The following MEI4 variants were observed in gnomAD, a reference collection of about 807,000 sequenced individuals.
MEI4 encodes meiotic double-stranded break formation protein 4, also known as meiosis-specific protein MEI4.
Under a neutral mutation model 31.4 loss-of-function variants are expected in MEI4, and 27 were observed. The ratio of observed to expected loss-of-function variants is 0.86; its 90% CI spans 0.63 to 1.19. The LOEUF (loss-of-function observed/expected upper bound fraction) is 1.19, where lower values mean the gene tolerates loss of function less well. MEI4 is among the 50% of genes most tolerant of loss of function. The pLI is 0.00. For synonymous variants in MEI4, 122 were observed against 145.4 expected, an observed-to-expected ratio of 0.84 and a Z score of 1.16; for missense variants, 329 against 398.9, an observed-to-expected ratio of 0.82 and a Z score of 1.49.
At chr6:77,838,526 G>A (rs539766152) in intron 4 of MEI4, among the ~76,000 whole-genome samples, 1 of 152,258 alleles carries the variant, frequency 6.6e-6, no homozygotes, top group South Asian at 2.1e-4. Flanking sequence ...GTGACTTACG[G>A]TACCAGATGA....
intron 4 of MEI4, among the ~76,000 whole-genome samples, chr6:77,848,622 G>A (rs1401816349): frequency 6.6e-6 from 1 of 152,092 alleles, no homozygotes; most frequent in Non-Finnish European, 1.5e-5. Flanking sequence ...GCACTTGTTG[G>A]TTGTGATGCA....
chr6:77,805,740 A>G (rs956085026), intron 3 of MEI4, among the ~76,000 whole-genome samples: 7 of 152,230 alleles, frequency 4.6e-5, no homozygotes, highest in African/African-American at 1.7e-4. Context: ...AGGATAATGT[A>G]TTGTTTAAAA....
At position 77,878,358 on chromosome 6, in the gene MEI4, C is replaced by T. The variant is rs139502519; in HGVS notation, c.901-44731C>T. Among the ~76,000 whole-genome samples, 213 of 152,178 alleles carry T rather than the reference C, an allele frequency of 1.4e-3. 1 individual carries two copies. The highest frequency in any genetic ancestry group is 4.5e-3 in the African/African-American group (187 of 41,554). ...ATCATAGGACTTTTCCTGATGCCTA[C>T]TATAAATGATTTTAAATAGTTTTTT... On this transcript the variant is annotated intron_variant, in intron 4 of 4. Transcript: ENST00000684080.
chr6:77,653,320 C>T (rs1457750344), intron 1 of MEI4, among the ~76,000 whole-genome samples: 1 of 152,132 alleles, frequency 6.6e-6, no homozygotes, highest in African/African-American at 2.4e-5. Context: ...GATGTTCAGC[C>T]ACAGCCTTAG....
At chr6:77,849,800 T>A (rs1373851795) in intron 4 of MEI4, among the ~76,000 whole-genome samples, 1 of 152,202 alleles carries the variant, frequency 6.6e-6, no homozygotes. Context: ...TTTATTTAGT[T>A]AGTTGATGTC....
chr6:77,745,910 C>A (rs9361270), intron 2 of MEI4, among the ~76,000 whole-genome samples: 22,797 of 152,046 alleles, frequency 0.15, 2,054 homozygotes, highest in East Asian at 0.4. Flanking sequence ...TAAAGATGTT[C>A]TTTGAAACCA....
intron 1 of MEI4, among the ~76,000 whole-genome samples, chr6:77,689,651 A>T: frequency 6.6e-6 from 1 of 152,090 alleles, no homozygotes; most frequent in Non-Finnish European, 1.5e-5. Context: ...AGATGTGTAC[A>T]GGAGTACACT....
intron 3 of MEI4, among the ~76,000 whole-genome samples, chr6:77,790,757 A>C (rs1006703679): frequency 1.3e-5 from 2 of 152,134 alleles, no homozygotes; most frequent in Non-Finnish European, 2.9e-5. Context: ...TTAATTTTTA[A>C]GTCAACAAAA....
At chr6:77,911,206 C>A (rs1207965540) in intron 4 of MEI4, among the ~76,000 whole-genome samples, 1 of 152,048 alleles carries the variant, frequency 6.6e-6, no homozygotes, top group Non-Finnish European at 1.5e-5. Context: ...TATATTCTCT[C>A]ATTCTGTAAG....
chr6:77,734,647 A>G (rs1204367108), intron 2 of MEI4, among the ~76,000 whole-genome samples: 1 of 151,674 alleles, frequency 6.6e-6, no homozygotes, highest in Non-Finnish European at 1.5e-5. Context: ...ATTTAAAGTT[A>G]ATATTATTAT....
chr6:77,737,435 C>T (rs1767281740), intron 2 of MEI4, among the ~76,000 whole-genome samples: 1 of 151,878 alleles, frequency 6.6e-6, no homozygotes, highest in South Asian at 2.1e-4. Context: ...ACAATAAAGG[C>T]TCGGGATATA....
intron 3 of MEI4, among the ~76,000 whole-genome samples, chr6:77,779,274 G>A (rs576957873): frequency 6.6e-6 from 1 of 152,320 alleles, no homozygotes; most frequent in African/African-American, 2.4e-5. Flanking sequence ...ACAAAGAAGA[G>A]TATAGTCAGC....
At chr6:77,910,544 G>T (rs949860351) in intron 4 of MEI4, among the ~76,000 whole-genome samples, 2 of 152,150 alleles carry the variant, frequency 1.3e-5, no homozygotes, top group Non-Finnish European at 2.9e-5. Context: ...ACTGCTCAAT[G>T]AAATAAAAGA....
intron 4 of MEI4, among the ~76,000 whole-genome samples, chr6:77,837,230 G>T (rs1379020748): frequency 1.3e-5 from 2 of 152,146 alleles, no homozygotes; most frequent in Non-Finnish European, 2.9e-5. Context: ...AAATGATAAA[G>T]TGCATGAACT....
rs376155640 is a variant in MEI4, at chr6:77,913,096, G to GGT, written c.901-9990_901-9989dup. 5.7e-4 allele frequency among the ~76,000 whole-genome samples: 86 copies of GGT among 151,926 alleles called. 2 individuals carry two copies. The highest frequency in any genetic ancestry group is 1.5e-3 in the African/African-American group (62 of 41,520). On this transcript the variant is annotated intron_variant, in intron 4 of 4. Transcript: ENST00000684080. Reference sequence around the variant, plus strand: ...CATGGGTTTTGTCCTTTATTCCATTGGTGTAATGTATTGAACTATCCTTGC... The same window carrying GGT: ...CATGGGTTTTGTCCTTTATTCCATTGGTGTGTAATGTATTGAACTATCCTTGC...
intron 2 of MEI4, among the ~76,000 whole-genome samples, chr6:77,743,243 C>T (rs1767469818): frequency 6.6e-6 from 1 of 152,132 alleles, no homozygotes; most frequent in Admixed American, 6.5e-5. Context: ...TTGATTCTTC[C>T]TACCCATGAG....
At chr6:77,814,241 G>C (rs892124779) in intron 3 of MEI4, among the ~76,000 whole-genome samples, 1 of 152,080 alleles carries the variant, frequency 6.6e-6, no homozygotes, top group South Asian at 2.1e-4. Context: ...AGTGTGAACT[G>C]GCTCTAGATT....
chr6:77,651,936 C>G (rs1424629906), upstream of MEI4, among the ~76,000 whole-genome samples: 1 of 152,096 alleles, frequency 6.6e-6, no homozygotes, highest in Non-Finnish European at 1.5e-5. Flanking sequence ...GAAAATGTTA[C>G]GTTACACCAT....
At chr6:77,775,018 C>G (rs934400356) in intron 3 of MEI4, among the ~76,000 whole-genome samples, 1 of 152,056 alleles carries the variant, frequency 6.6e-6, no homozygotes, top group Non-Finnish European at 1.5e-5. Context: ...TGACTTGTGG[C>G]TGAATCTCTG....
Sources: allele counts gnomAD v4.1 joint callset (sites outside exome capture counted in the v4.1 genomes callset), GRCh38; gene constraint gnomAD v4.1.1; transcripts MANE v1.5; gene names NCBI Gene and HGNC (gene_info 2026-07-23, HGNC 2026-07-21).